The following FAM240A variants were observed in gnomAD, a reference collection of about 807,000 sequenced individuals.
The protein encoded by FAM240A is protein FAM240A.
FAM240A carries 8 observed loss-of-function variants against 7.3 expected under a neutral mutation model. The observed-to-expected ratio is 1.09, with a 90% CI of 0.64 to 1.97. The LOEUF (loss-of-function observed/expected upper bound fraction) is 1.97. Ranked by LOEUF, FAM240A falls within the 30% of genes most tolerant of loss-of-function variation. FAM240A has a pLI of 0.00. For missense variants in FAM240A, 90 were observed against 102.2 expected (o/e 0.88, Z 0.52); for synonymous variants, 32 against 35.9 (o/e 0.89, Z 0.38).
At position 46,625,337 on chromosome 3, in the gene FAM240A, C is replaced by G. The variant is rs1281849538; in HGVS notation, c.*119C>G. On this transcript the variant is annotated 3_prime_UTR_variant, in exon 3 of 3. Transcript: ENST00000640551. ...ATCAGCTCTCACACTATTGTTTCCC[C>G]ACCTGGGAGAGGACTTACCTGTAAA... 1.5e-6 allele frequency: 1 copy of G among 662,950 alleles called. No individual in the cohort carries two copies. Among genetic ancestry groups the G allele is most frequent in the African/African-American group, 1.8e-5 (1 of 54,804 alleles). The allele number at this position is 662,950 out of a possible 1,614,324, so 41.1% of individuals were successfully genotyped here.
rs1463313018 is a variant in FAM240A at position 46,613,502 on chromosome 3, A to AATAAATAAATAAAT, written c.15+806_15+819dup. Among the ~76,000 whole-genome samples, 258 of 151,138 alleles carry AATAAATAAATAAAT rather than the reference A, an allele frequency of 1.7e-3. 1 individual carries two copies. The highest frequency in any genetic ancestry group is 6.0e-3 in the African/African-American group (247 of 41,256). On this transcript the variant is annotated intron_variant, in intron 1 of 2. Coordinates refer to ENST00000640551, the MANE Select transcript of FAM240A (RefSeq NM_001195442.2). Reference sequence around the variant, plus strand: ...GAGTGAAACTCCTTCTAAATAAATAAATAAATAAATAAATAAATAAATAAA... The same window carrying AATAAATAAATAAAT: ...GAGTGAAACTCCTTCTAAATAAATAAATAAATAAATAAATATAAATAAATAAATAAATAAATAAA...
chr3:46,617,322 T>C lies in FAM240A; in HGVS notation c.155T>C (p.Leu52Pro). 1 of 1,523,922 alleles carries C rather than the reference T, an allele frequency of 6.6e-7. No homozygotes were observed. Among genetic ancestry groups the C allele is most frequent in the Non-Finnish European group, 8.7e-7 (1 of 1,142,892 alleles). The allele number at this position is 1,523,922 out of a possible 1,614,324, so 94.4% of individuals were successfully genotyped here. A position where few individuals can be genotyped will look rare whatever the true frequency, so the allele number is the denominator to read the frequency against. Residue 52 changes from leucine (L) to proline (P), a missense_variant, in exon 2 of 3, where the codon CTG (leucine) becomes CCG (proline). Transcript: ENST00000640551. ...GAACGTCGTCTGGGAAGAAGCGCAC[T>C]GAGAAAGTATGTGGCTTGTTTGTCT... ...SEERRLGRSA[L>P]RKLREEWKQR...
At position 46,617,073 on chromosome 3, in the gene FAM240A, G is replaced by A. The variant is rs776767728; in HGVS notation, c.16-110G>A. The A allele has an allele frequency of 1.1e-4, 82 of 724,106 alleles. 1 individual carries two copies. In the Middle Eastern group the frequency reaches 1.5e-3, roughly 13 times the overall value. 44.9% of individuals were successfully genotyped at this position (724,106 alleles called of 1,614,324 possible). On this transcript the variant is annotated intron_variant, in intron 1 of 2. Transcript: ENST00000640551. ...ATTGGAGTAAGGTGGATTGGAGTAA[G>A]ATGGTAGGTATCTCATTGTGGTTTT...
chr3:46,614,316 T>C (rs564516961), intron 1 of FAM240A, among the ~76,000 whole-genome samples: 2 of 152,334 alleles, frequency 1.3e-5, no homozygotes, highest in South Asian at 2.1e-4. Context: ...AGCTACAAAA[T>C]TGGTGATAGT....
rs1251700687 is a variant in FAM240A, at chr3:46,625,356, C to CTACA, written c.*139_*140insACAT. ...TTTCCCCACCTGGGAGAGGACTTACCTGTAAATCCTTTCCCAGTGTTTGAT... is the reference window on the plus strand; with the variant it reads ...TTTCCCCACCTGGGAGAGGACTTACCTACATGTAAATCCTTTCCCAGTGTTTGAT... On this transcript the variant is annotated 3_prime_UTR_variant, in exon 3 of 3. Transcript: ENST00000640551. 3.7e-6 allele frequency: 2 copies of CTACA among 546,264 alleles called. No homozygotes were observed. The highest frequency in any genetic ancestry group is 6.4e-6 in the Non-Finnish European group (2 of 314,288). 33.8% of individuals were successfully genotyped at this position (546,264 alleles called of 1,614,324 possible). A position where few individuals can be genotyped will look rare whatever the true frequency, so the allele number is the denominator to read the frequency against.
At chr3:46,624,255 C>A (rs1383120753) in intron 2 of FAM240A, among the ~76,000 whole-genome samples, 1 of 140,824 alleles carries the variant, frequency 7.1e-6, no homozygotes, top group South Asian at 2.3e-4. Flanking sequence ...TTACTTTCAA[C>A]GGTGGGCTAT....
intron 2 of FAM240A, among the ~76,000 whole-genome samples, chr3:46,618,878 TATATACACAC>T (rs1271826881): frequency 6.5e-4 from 48 of 73,896 alleles, no homozygotes; most frequent in East Asian, 3.3e-3. Flanking sequence ...TATATATATA[TATATACACAC>T]ACACACACAC....
chr3:46,613,528 A>AAAT (rs1559437398), intron 1 of FAM240A, among the ~76,000 whole-genome samples: 29 of 44,410 alleles, frequency 6.5e-4, no homozygotes, highest in African/African-American at 1.5e-3. Flanking sequence ...AATAAATAAA[A>AAAT]AACAAGACAC....
intron 1 of FAM240A, 119 bp downstream of exon 1, chr3:46,612,817 C>A: frequency 2.5e-6 from 2 of 801,462 alleles, no homozygotes; most frequent in Non-Finnish European, 4.1e-6. Flanking sequence ...CTCTCAAGTA[C>A]AAGATTAGAT....
chr3:46,617,451 C>A, intron 2 of FAM240A, 123 bp downstream of exon 2: 1 of 751,882 alleles, frequency 1.3e-6, no homozygotes, highest in Non-Finnish European at 2.0e-6. Flanking sequence ...CCTGAGCCCC[C>A]ACGCAATTGC....
intron 2 of FAM240A, 49 bp downstream of exon 2, chr3:46,617,377 AC>A (rs1157457926): frequency 1.4e-5 from 21 of 1,459,764 alleles, no homozygotes; most frequent in Non-Finnish European, 1.8e-5. Context: ...TTTTTAAAAT[AC>A]ATCGTATAAT....
intron 2 of FAM240A, among the ~76,000 whole-genome samples, chr3:46,620,003 C>T (rs1697676933): frequency 6.6e-6 from 1 of 152,126 alleles, no homozygotes; most frequent in Non-Finnish European, 1.5e-5. Flanking sequence ...ACGGAACTGG[C>T]TCTTGGATGG....
chr3:46,622,357 C>T lies in FAM240A; in HGVS notation c.162-2771C>T, dbSNP rs1400800097. The stretch of plus-strand genomic sequence containing the variant: ...TTCTGACCTCGTGATCTGCCCGCCT[C>T]GGCCTCCCAAAGTGCTGGGATTACA... On this transcript the variant is annotated intron_variant, in intron 2 of 2. Coordinates refer to ENST00000640551, the MANE Select transcript of FAM240A (RefSeq NM_001195442.2). 5.3e-5 allele frequency among the ~76,000 whole-genome samples: 8 copies of T among 151,974 alleles called. 1 individual carries two copies. The highest frequency in any genetic ancestry group is 4.2e-4 in the South Asian group (2 of 4,818).
Position 46,625,962 on chromosome 3 carries a change from T to C in FAM240A, c.*744T>C, listed in dbSNP as rs1697758028. ...CACAGAGTGTTTACCACACAGATTC[T>C]GGATTTTGAAATGGTATAGTCACTC... On this transcript the variant is annotated 3_prime_UTR_variant, in exon 3 of 3. Coordinates refer to ENST00000640551, the MANE Select transcript of FAM240A (RefSeq NM_001195442.2). 1 of 152,184 alleles carries C rather than the reference T, an allele frequency of 6.6e-6. No individual in the cohort carries two copies. The highest frequency in any genetic ancestry group is 2.4e-5 in the African/African-American group (1 of 41,438). The allele number at this position is 152,184 out of a possible 1,614,324, so 9.4% of individuals were successfully genotyped here.
chr3:46,616,460 C>T (rs888086636), intron 1 of FAM240A, among the ~76,000 whole-genome samples: 4 of 152,108 alleles, frequency 2.6e-5, no homozygotes, highest in African/African-American at 9.7e-5. Flanking sequence ...ACATGGCACC[C>T]AATAAGTGAC....
rs2139637 is a variant in FAM240A, at chr3:46,612,642, G to A, written c.-42G>A. Reference sequence around the variant, plus strand: ...AGATGCCTCACAGGCGGTCAAGTGCGACACATTTGGTTCGACTGAATCGAT... The same window carrying A: ...AGATGCCTCACAGGCGGTCAAGTGCAACACATTTGGTTCGACTGAATCGAT... On this transcript the variant is annotated 5_prime_UTR_variant, in exon 1 of 3. Transcript: ENST00000640551. The A allele has an allele frequency of 0.81, 1,240,099 of 1,524,958 alleles. 508,772 individuals are homozygous for A. Among genetic ancestry groups the A allele is most frequent in the Non-Finnish European group, 0.84 (950,133 of 1,136,846 alleles). 94.5% of individuals were successfully genotyped at this position (1,524,958 alleles called of 1,614,324 possible). A position where few individuals can be genotyped will look rare whatever the true frequency, so the allele number is the denominator to read the frequency against.
At chr3:46,613,126 G>C (rs56168669) in intron 1 of FAM240A, among the ~76,000 whole-genome samples, 4,003 of 152,322 alleles carry the variant, frequency 0.026, 82 homozygotes, top group Middle Eastern at 0.092. Context: ...CTTATGTGTA[G>C]TGAAATTCAC....
chr3:46,614,029 C>T (rs1445163669), intron 1 of FAM240A, among the ~76,000 whole-genome samples: 8 of 152,292 alleles, frequency 5.3e-5, no homozygotes, highest in African/African-American at 1.7e-4. Flanking sequence ...AGCAATCTTT[C>T]TACCTCAGCC....
chr3:46,612,730 A>G (rs765477889), intron 1 of FAM240A, 32 bp downstream of exon 1: 7 of 1,517,162 alleles, frequency 4.6e-6, no homozygotes, highest in East Asian at 2.5e-5. Flanking sequence ...GATTTTGTGA[A>G]GTAAAATTCC....
Sources: gnomAD v4.1 joint callset for allele counts (sites outside exome capture counted in the v4.1 genomes callset) on GRCh38, gnomAD v4.1.1 for gene constraint, MANE v1.5 for transcripts, NCBI Gene and HGNC (gene_info 2026-07-23, HGNC 2026-07-21) for gene names.